DHTKD1: variants seen among roughly 807,000 people sequenced by gnomAD.
The protein encoded by DHTKD1 is dehydrogenase E1 and transketolase domain containing 1.
In DHTKD1, 78 loss-of-function variants were observed where a neutral mutation model predicts 101.8. The observed-to-expected ratio is 0.77, with a 90% CI of 0.64 to 0.93. The LOEUF (loss-of-function observed/expected upper bound fraction) is 0.93. Among genes scored for constraint, DHTKD1 ranks in the 40% least tolerant of loss-of-function variants. The pLI, the probability that DHTKD1 is intolerant of heterozygous loss-of-function variation, is 0.00. For synonymous variants in DHTKD1, 462 were observed against 450.3 expected, an observed-to-expected ratio of 1.03 and a Z score of -0.33; for missense variants, 1,223 against 1,161.7, an observed-to-expected ratio of 1.05 and a Z score of -0.77.
chr10:12,086,455 G>A (rs1039373131), intron 3 of DHTKD1, among the ~76,000 whole-genome samples: 1 of 151,164 alleles, frequency 6.6e-6, no homozygotes, highest in Non-Finnish European at 1.5e-5. Flanking sequence ...TCCTGACCTC[G>A]TGATTCACTC....
chr10:12,117,703 C>A lies in DHTKD1; in HGVS notation c.2350C>A (p.Pro784Thr). 1.9e-6 allele frequency: 3 copies of A among 1,607,482 alleles called. No individual in the cohort carries two copies. Among genetic ancestry groups the A allele is most frequent in the Non-Finnish European group, 2.6e-6 (3 of 1,176,308 alleles). The change falls in exon 14 of 17, where the codon CCA (proline) becomes ACA (threonine). Residue 784 changes from proline (P) to threonine (T), a missense_variant. Transcript: ENST00000263035. ...CGTGTCAACTCTTCAAGAAATGGCA[C>A]CAGGAACAACATTTAACCCGGTCAT... is the stretch of plus-strand genomic sequence containing the variant. ...AAVSTLQEMA[P>T]GTTFNPVIGD...
At chr10:12,106,504 T>G in intron 11 of DHTKD1, 108 bp downstream of exon 11, 1 of 1,403,420 alleles carries the variant, frequency 7.1e-7, no homozygotes, top group Non-Finnish European at 9.9e-7. Flanking sequence ...GACTCCCGTG[T>G]GCGGCGGCGC....
rs1833545286 is a variant in DHTKD1, at chr10:12,122,785, AC to A, written c.*1899del. 1 of 152,176 alleles carries A rather than the reference AC, an allele frequency of 6.6e-6. No individual in the cohort carries two copies. The highest frequency in any genetic ancestry group is 6.5e-5 in the Admixed American group (1 of 15,276). 9.4% of individuals were successfully genotyped at this position (152,176 alleles called of 1,614,324 possible). On this transcript the variant is annotated 3_prime_UTR_variant, in exon 17 of 17. Coordinates refer to ENST00000263035, the MANE Select transcript of DHTKD1 (RefSeq NM_018706.7). Reference sequence around the variant, plus strand: ...TACTGGAAACGTAACTAAACAGCGAACCATGTAGCTTCACCTGACTCAGTGC... The same window carrying A: ...TACTGGAAACGTAACTAAACAGCGAACATGTAGCTTCACCTGACTCAGTGC...
chr10:12,111,045 C>CA (rs35420105), intron 12 of DHTKD1, among the ~76,000 whole-genome samples: 55,287 of 100,412 alleles, frequency 0.55, 14,514 homozygotes, highest in South Asian at 0.74. Context: ...GACCCTGTCT[C>CA]AAAAAAAAAA....
chr10:12,090,184 G>A (rs1414295527), intron 5 of DHTKD1, among the ~76,000 whole-genome samples: 1 of 152,010 alleles, frequency 6.6e-6, no homozygotes, highest in Non-Finnish European at 1.5e-5. Context: ...CATGAAACCT[G>A]GATTTCAGAA....
intron 7 of DHTKD1, among the ~76,000 whole-genome samples, chr10:12,096,698 A>G (rs1833075752): frequency 6.6e-6 from 1 of 152,242 alleles, no homozygotes; most frequent in African/African-American, 2.4e-5. Context: ...CTCTTTTATC[A>G]GGATTAAATA....
At position 12,069,128 on chromosome 10, in the gene DHTKD1, G is replaced by T. The variant is rs1315050998; in HGVS notation, c.95G>T (p.Gly32Val). 2 of 1,598,204 alleles carry T rather than the reference G, an allele frequency of 1.3e-6. No individual in the cohort carries two copies. Among genetic ancestry groups the T allele is most frequent in the East Asian group, 2.3e-5 (1 of 44,086 alleles). ...RGYQTERGVY[G>V]YRPRKPESRE... ...TACCAGACCGAGCGGGGCGTTTACG[G>T]CTACCGGCCGAGGAAGCCCGAGAGC... Residue 32 changes from glycine (G) to valine (V), a missense_variant, in exon 1 of 17, where the codon GGC becomes GTC. By Grantham distance (109) the Gly-to-Val change is moderately radical (BLOSUM62 -3). Coordinates refer to ENST00000263035, the MANE Select transcript of DHTKD1 (RefSeq NM_018706.7).
At chr10:12,097,422 G>A (rs1239078281) in intron 7 of DHTKD1, among the ~76,000 whole-genome samples, 1 of 151,992 alleles carries the variant, frequency 6.6e-6, no homozygotes, top group Non-Finnish European at 1.5e-5. Flanking sequence ...ACAGGCGCCC[G>A]CCACCATGCC....
intron 15 of DHTKD1, among the ~76,000 whole-genome samples, chr10:12,119,519 C>G (rs7902583): frequency 1 from 149,931 of 150,124 alleles, 74,870 homozygotes; most frequent in Middle Eastern, 1. Flanking sequence ...GGGAGGCTGA[C>G]GCAGGAGAAT....
At chr10:12,112,500 GCACACACACACA>G (rs141598482) in intron 12 of DHTKD1, among the ~76,000 whole-genome samples, 72,209 of 151,034 alleles carry the variant, frequency 0.48, 18,748 homozygotes, top group South Asian at 0.72. Context: ...AAGCACGCGT[GCACACACACACA>G]CACACACACA....
intron 14 of DHTKD1, 119 bp from the exon 15 acceptor site, chr10:12,118,630 C>T (rs1411327866): frequency 8.2e-6 from 5 of 608,028 alleles, no homozygotes; most frequent in East Asian, 3.1e-5. Flanking sequence ...GATCCGCCCG[C>T]CTTGGCCTCC....
intron 13 of DHTKD1, among the ~76,000 whole-genome samples, chr10:12,115,153 C>G (rs1433771573): frequency 6.6e-6 from 1 of 151,182 alleles, no homozygotes; most frequent in African/African-American, 2.4e-5. Flanking sequence ...GAGTGGAGAG[C>G]GCGATCTTGG....
rs1407781021 is a variant in DHTKD1 at position 12,103,733 on chromosome 10, C to G, written c.1897-2513C>G. Among the ~76,000 whole-genome samples, 1 of 152,144 alleles carries G rather than the reference C, an allele frequency of 6.6e-6. No individual in the cohort carries two copies. Among genetic ancestry groups the G allele is most frequent in the Non-Finnish European group, 1.5e-5 (1 of 68,020 alleles). On this transcript the variant is annotated intron_variant, in intron 10 of 16. Coordinates refer to ENST00000263035, the MANE Select transcript of DHTKD1 (RefSeq NM_018706.7). The surrounding 1 kb of genome is among the most constrained non-coding windows in gnomAD (Gnocchi z 4.8). ...GTCTCACTGTGATGGCCAGTGTCAT[C>G]TTGAATTCCTGGCCTCAAGCAATCC...
chr10:12,084,808 T>G, intron 3 of DHTKD1, 57 bp downstream of exon 3: 1 of 1,533,026 alleles, frequency 6.5e-7, no homozygotes, highest in Non-Finnish European at 9.0e-7. Context: ...CCCAGCACTT[T>G]GGGAGGCCGA....
chr10:12,086,114 C>A (rs956687972), intron 3 of DHTKD1, among the ~76,000 whole-genome samples: 2 of 151,692 alleles, frequency 1.3e-5, no homozygotes, highest in African/African-American at 4.8e-5. Context: ...ATGATCCACC[C>A]GCCTCGGCCT....
chr10:12,069,235 G>A, intron 1 of DHTKD1, 48 bp downstream of exon 1: 4 of 1,344,114 alleles, frequency 3.0e-6, no homozygotes, highest in Non-Finnish European at 3.9e-6. Flanking sequence ...GGACGCAGAA[G>A]CCTCCCCTGG....
intron 1 of DHTKD1, among the ~76,000 whole-genome samples, chr10:12,075,217 T>C (rs764143548): frequency 2.6e-5 from 4 of 152,150 alleles, no homozygotes; most frequent in Non-Finnish European, 5.9e-5. Context: ...TCTCGCTCTG[T>C]CACCCAGGCT....
chr10:12,112,196 C>T (rs1316114552), intron 12 of DHTKD1, among the ~76,000 whole-genome samples: 1 of 152,038 alleles, frequency 6.6e-6, no homozygotes, highest in Non-Finnish European at 1.5e-5. Context: ...CACCTGTAGT[C>T]CCAGCTACTT....
chr10:12,121,135 G>A lies in DHTKD1; in HGVS notation c.*247G>A, dbSNP rs566890832. 1.4e-4 allele frequency: 54 copies of A among 379,358 alleles called. 1 individual carries two copies. Among genetic ancestry groups the A allele is most frequent in the Non-Finnish European group, 8.1e-5 (16 of 198,262 alleles). The allele number at this position is 379,358 out of a possible 1,614,324, so 23.5% of individuals were successfully genotyped here. The stretch of plus-strand genomic sequence containing the variant: ...CCTGGGAGGCTGAGGCAAGAGAATC[G>A]CTTGAATCTGGGAGGCGGAGGTTGC... On this transcript the variant is annotated 3_prime_UTR_variant, in exon 17 of 17. Coordinates refer to ENST00000263035, the MANE Select transcript of DHTKD1 (RefSeq NM_018706.7).
Sources: gnomAD v4.1 joint callset for allele counts (sites outside exome capture counted in the v4.1 genomes callset) on GRCh38, gnomAD v4.1.1 for gene constraint, Gnocchi (gnomAD v3.1) non-coding constraint, MANE v1.5 for transcripts, NCBI Gene and HGNC (gene_info 2026-07-23, HGNC 2026-07-21) for gene names.